PDZRN4: variants seen among roughly 807,000 people sequenced by gnomAD.
The protein encoded by PDZRN4 is PDZ domain-containing RING finger protein 4.
In PDZRN4, 70 loss-of-function variants were observed where a neutral mutation model predicts 99.0. That is an observed-to-expected ratio of 0.71 (90% CI 0.58 to 0.86). The LOEUF is 0.86. Ranked by LOEUF, PDZRN4 falls within the 40% of genes least tolerant of loss-of-function variation. The pLI is 0.00. For missense variants in PDZRN4, 1,474 were observed against 1,331.2 expected, an observed-to-expected ratio of 1.11 and a Z score of -1.67; for synonymous variants, 551 against 501.6, an observed-to-expected ratio of 1.10 and a Z score of -1.32.
chr12:41,529,714 G>C (rs1187625350), intron 5 of PDZRN4, among the ~76,000 whole-genome samples: 3 of 152,082 alleles, frequency 2.0e-5, no homozygotes, highest in Admixed American at 1.3e-4. Context: ...ATGTTTTTGT[G>C]GGAGTTCCTC....
At chr12:41,472,167 C>A (rs1952999550) in intron 3 of PDZRN4, among the ~76,000 whole-genome samples, 1 of 152,050 alleles carries the variant, frequency 6.6e-6, no homozygotes, top group Non-Finnish European at 1.5e-5. Flanking sequence ...CCACACCCAG[C>A]TAATTTTGTA....
intron 3 of PDZRN4, among the ~76,000 whole-genome samples, chr12:41,265,371 A>G (rs1951269231): frequency 6.6e-6 from 1 of 152,232 alleles, no homozygotes. Context: ...ATAATTTAAC[A>G]TAGATTTAAA....
At chr12:41,294,226 C>T (rs1227290162) in intron 3 of PDZRN4, among the ~76,000 whole-genome samples, 1 of 152,170 alleles carries the variant, frequency 6.6e-6, no homozygotes, top group Non-Finnish European at 1.5e-5. Flanking sequence ...GTCAGGCAGA[C>T]CTGGGTGCAA....
chr12:41,570,465 G>A (rs1249572321), intron 9 of PDZRN4, among the ~76,000 whole-genome samples: 2 of 152,160 alleles, frequency 1.3e-5, no homozygotes, highest in Non-Finnish European at 2.9e-5. Flanking sequence ...CTACCCATAT[G>A]TGAACCTACT....
Position 41,573,639 on chromosome 12 carries a change from A to G in PDZRN4, c.2860A>G (p.Lys954Glu). ...EERKQHLVRAKEQRRRREFMM... is the reference protein window; with the variant it reads ...EERKQHLVRAEEQRRRREFMM... ...GAGAAAGCAGCACCTGGTTAGGGCC[A>G]AAGAGCAGCGCCGTCGCCGTGAGTT... Residue 954 changes from lysine (K) to glutamate (E), a missense_variant, in exon 10 of 10, where the codon AAA (lysine) becomes GAA (glutamate). Physicochemically the swap from Lys to Glu is moderately conservative, Grantham distance 56. Transcript: ENST00000402685. The G allele has an allele frequency of 1.2e-6, 2 of 1,614,096 alleles. No homozygotes were observed. Among genetic ancestry groups the G allele is most frequent in the Non-Finnish European group, 1.7e-6 (2 of 1,180,004 alleles).
intron 3 of PDZRN4, among the ~76,000 whole-genome samples, chr12:41,444,598 G>T (rs776577929): frequency 7.2e-5 from 11 of 152,104 alleles, no homozygotes; most frequent in Non-Finnish European, 1.3e-4. Flanking sequence ...TCCAAAAAGT[G>T]TTGGATTGAA....
intron 4 of PDZRN4, among the ~76,000 whole-genome samples, chr12:41,509,042 A>G (rs954778171): frequency 2.0e-5 from 3 of 152,190 alleles, no homozygotes; most frequent in Non-Finnish European, 4.4e-5. Flanking sequence ...ATCAGAACAT[A>G]CTAAATCGAA....
intron 5 of PDZRN4, among the ~76,000 whole-genome samples, chr12:41,542,535 C>T (rs1361057519): frequency 1.3e-5 from 2 of 152,192 alleles, no homozygotes; most frequent in African/African-American, 4.8e-5. Flanking sequence ...GCATCTCTCT[C>T]CCATTCAGTG....
At chr12:41,451,403 G>C (rs1952772984) in intron 3 of PDZRN4, among the ~76,000 whole-genome samples, 1 of 152,104 alleles carries the variant, frequency 6.6e-6, no homozygotes, top group South Asian at 2.1e-4. Context: ...TCAGGTTTAT[G>C]GGCTCCATTT....
Position 41,567,119 on chromosome 12 carries a change from G to A in PDZRN4, c.1468-664G>A, listed in dbSNP as rs537648824. Among the ~76,000 whole-genome samples, 61 of 152,256 alleles carry A rather than the reference G, an allele frequency of 4.0e-4. 1 individual carries two copies. The highest frequency in any genetic ancestry group is 1.5e-3 in the African/African-American group (61 of 41,552). On this transcript the variant is annotated intron_variant, in intron 8 of 9. Transcript: ENST00000402685. ...CACCACTCCACCACCCTTAAATGTC[G>A]CATCCACTGAGGTGTTTTTCCTATA...
chr12:41,320,012 C>T (rs554807346), intron 3 of PDZRN4, among the ~76,000 whole-genome samples: 73 of 152,308 alleles, frequency 4.8e-4, no homozygotes, highest in African/African-American at 1.7e-3. Flanking sequence ...TGCTTCTGCA[C>T]GTCTTTAGGC....
chr12:41,276,169 G>A (rs1951348719), intron 3 of PDZRN4, among the ~76,000 whole-genome samples: 1 of 152,110 alleles, frequency 6.6e-6, no homozygotes, highest in Admixed American at 6.6e-5. Context: ...ATATTACAAT[G>A]GTTTGTGGCT....
In PDZRN4 at chr12:41,212,103, T is replaced by G. The variant is rs538856279; in HGVS notation, c.843+17915T>G. On this transcript the variant is annotated intron_variant, in intron 3 of 9. Transcript: ENST00000402685. ...TGAGAGGGCTGAATCTCATGTTAACTCAATCTTGCCTTATACCAGTACATG... is the reference window on the plus strand; with the variant it reads ...TGAGAGGGCTGAATCTCATGTTAACGCAATCTTGCCTTATACCAGTACATG... 5.9e-5 allele frequency among the ~76,000 whole-genome samples: 9 copies of G among 152,092 alleles called. No homozygotes were observed. The South Asian group carries it at 1.9e-3, about 32-fold the overall frequency.
At chr12:41,411,926 GGCCAA>G in intron 3 of PDZRN4, 1 of 152,084 alleles carries the variant, frequency 6.6e-6, no homozygotes, top group African/African-American at 2.4e-5. Flanking sequence ...TAGAGAAGAG[GGCCAA>G]GTCTGGTCTA....
chr12:41,286,162 A>G (rs1951420825), intron 3 of PDZRN4, among the ~76,000 whole-genome samples: 1 of 152,030 alleles, frequency 6.6e-6, no homozygotes, highest in Non-Finnish European at 1.5e-5. Flanking sequence ...TATTCTGCCT[A>G]AAATTCTGTG....
chr12:41,545,294 C>T (rs1050351890), intron 5 of PDZRN4, among the ~76,000 whole-genome samples: 2 of 152,182 alleles, frequency 1.3e-5, no homozygotes, highest in Non-Finnish European at 2.9e-5. Context: ...ACATTAACTA[C>T]GTAAAGTTCC....
chr12:41,477,392 A>C (rs777245768), intron 3 of PDZRN4, among the ~76,000 whole-genome samples: 1 of 152,114 alleles, frequency 6.6e-6, no homozygotes, highest in Non-Finnish European at 1.5e-5. Context: ...CTCTCACACA[A>C]AGCATGTTTC....
intron 3 of PDZRN4, among the ~76,000 whole-genome samples, chr12:41,417,425 A>ATG (rs958552728): frequency 4.6e-5 from 7 of 151,960 alleles, no homozygotes; most frequent in Non-Finnish European, 8.8e-5. Context: ...TAGGAGATTT[A>ATG]TATGATGATG....
At chr12:41,414,350 T>C (rs1310563759) in intron 3 of PDZRN4, among the ~76,000 whole-genome samples, 1 of 152,190 alleles carries the variant, frequency 6.6e-6, no homozygotes. Flanking sequence ...CATCTGGATG[T>C]CTACTTCTCT....
Sources: allele counts gnomAD v4.1 joint callset (sites outside exome capture counted in the v4.1 genomes callset), GRCh38; gene constraint gnomAD v4.1.1; transcripts MANE v1.5; gene names NCBI Gene and HGNC (gene_info 2026-07-23, HGNC 2026-07-21).